Variants in SOS2 observed in about 807,000 individuals in gnomAD.
The protein encoded by SOS2 is SOS Ras/Rho guanine nucleotide exchange factor 2, also known as son of sevenless homolog 2.
In SOS2, 65 loss-of-function variants were observed where a neutral mutation model predicts 148.2. The observed-to-expected ratio is 0.44, with a 90% CI of 0.36 to 0.54. The LOEUF is 0.54. Ranked by LOEUF, SOS2 falls within the 20% of genes least tolerant of loss-of-function variation. SOS2 has a pLI of 0.00. For missense variants in SOS2, 1,341 were observed against 1,590.2 expected (o/e 0.84, Z 2.67); for synonymous variants, 539 against 537.1 (o/e 1.00, Z -0.05).
Position 50,162,236 on chromosome 14 carries a change from C to T in SOS2, c.1069-627G>A, listed in dbSNP as rs73283492. Among the ~76,000 whole-genome samples the T allele has an allele frequency of 4.9e-3, 738 of 152,092 alleles. 7 individuals carry two copies. Among genetic ancestry groups the T allele is most frequent in the African/African-American group, 0.017 (701 of 41,512 alleles). ...ACAGTGGCAGGGCTAACTGCAGCCT[C>T]GATCTCCTGGGCATAAGGCTTCCCG... On this transcript the variant is annotated intron_variant, in intron 8 of 22. Transcript: ENST00000216373.
intron 5 of SOS2, among the ~76,000 whole-genome samples, chr14:50,186,242 C>T (rs913144367): frequency 6.6e-6 from 1 of 152,134 alleles, no homozygotes; most frequent in Admixed American, 6.6e-5. Flanking sequence ...ATTCACTCTT[C>T]CATCTGACCC....
intron 5 of SOS2, among the ~76,000 whole-genome samples, chr14:50,184,088 T>G (rs1030709975): frequency 1.5e-4 from 23 of 152,194 alleles, no homozygotes; most frequent in African/African-American, 5.6e-4. Context: ...AAAGGTACAG[T>G]AAAAATATAG....
chr14:50,170,895 T>C (rs7140483), intron 8 of SOS2, among the ~76,000 whole-genome samples: 132,647 of 151,270 alleles, frequency 0.88, 58,251 homozygotes, highest in East Asian at 0.91. Context: ...GGTGGATCGC[T>C]TGAGGTCAGG....
chr14:50,178,164 T>G (rs1326889116), intron 7 of SOS2, among the ~76,000 whole-genome samples: 3 of 152,224 alleles, frequency 2.0e-5, no homozygotes, highest in South Asian at 2.1e-4. Context: ...CATGTTCAAC[T>G]GTAATCCCCA....
At chr14:50,189,330 G>GAAAAAAAAAAAAAAAAAAAAAAAAAA (rs1566472509) in intron 4 of SOS2, among the ~76,000 whole-genome samples, 2 of 3,594 alleles carry the variant, frequency 5.6e-4, no homozygotes, top group Non-Finnish European at 7.7e-4. Flanking sequence ...ACACATAATA[G>GAAAAAAAAAAAAAAAAAAAAAAAAAA]CAAAAAAAAA....
intron 18 of SOS2, 97 bp from the exon 19 acceptor site, chr14:50,134,336 C>G: frequency 1.6e-6 from 1 of 634,572 alleles, no homozygotes; most frequent in Non-Finnish European, 2.7e-6. Flanking sequence ...CTGAAAATTA[C>G]TTATTTAATG....
rs767086758 is a variant in SOS2, at chr14:50,136,998, G to A, written c.2958+1614C>T. Among the ~76,000 whole-genome samples the A allele has an allele frequency of 8.5e-5, 13 of 152,132 alleles. 1 individual carries two copies. The highest frequency in any genetic ancestry group is 1.8e-4 in the Non-Finnish European group (12 of 68,024). On this transcript the variant is annotated intron_variant, in intron 18 of 22. Coordinates refer to ENST00000216373, the MANE Select transcript of SOS2 (RefSeq NM_006939.4). ...TTTCTATCTCATAATTTAGGAGGGTGGAAGTAATGGTGGATATTTTCACTC... is the reference window on the plus strand; with the variant it reads ...TTTCTATCTCATAATTTAGGAGGGTAGAAGTAATGGTGGATATTTTCACTC...
Position 50,151,325 on chromosome 14 carries a change from A to G in SOS2, c.2162-1095T>C, listed in dbSNP as rs548013602. 4.6e-5 allele frequency among the ~76,000 whole-genome samples: 7 copies of G among 152,330 alleles called. No individual in the cohort carries two copies. In the East Asian group the frequency reaches 7.7e-4, roughly 17 times the overall value. On this transcript the variant is annotated intron_variant, in intron 13 of 22. Transcript: ENST00000216373. Reference sequence around the variant, plus strand: ...CATTTGCCATGTTTTTCTGTCCTCTATATTTTCTGTAAAGCAGAGATATAG... The same window carrying G: ...CATTTGCCATGTTTTTCTGTCCTCTGTATTTTCTGTAAAGCAGAGATATAG...
At chr14:50,127,300 C>G (rs560490671) in intron 21 of SOS2, among the ~76,000 whole-genome samples, 3 of 152,096 alleles carry the variant, frequency 2.0e-5, no homozygotes, top group Non-Finnish European at 4.4e-5. Context: ...CGCCACTATG[C>G]CCAGCTAATT....
chr14:50,189,394 T>C (rs1430077006), intron 4 of SOS2, among the ~76,000 whole-genome samples: 1 of 125,170 alleles, frequency 8.0e-6, no homozygotes, highest in Non-Finnish European at 1.6e-5. Context: ...AAAATCCCAG[T>C]TCAGCCACTA....
intron 4 of SOS2, among the ~76,000 whole-genome samples, chr14:50,190,390 C>T (rs1259571934): frequency 1.3e-5 from 2 of 152,116 alleles, no homozygotes; most frequent in Admixed American, 1.3e-4. Context: ...ATAAACTGTA[C>T]CACATGTTGG....
chr14:50,128,688 G>A (rs1335890956), intron 21 of SOS2, among the ~76,000 whole-genome samples: 2 of 152,230 alleles, frequency 1.3e-5, no homozygotes, highest in African/African-American at 2.4e-5. Context: ...GGAGTGGGGA[G>A]ACTTGAGGTA....
intron 4 of SOS2, among the ~76,000 whole-genome samples, chr14:50,193,632 T>C (rs1441615927): frequency 6.6e-6 from 1 of 152,188 alleles, no homozygotes; most frequent in East Asian, 1.9e-4. Flanking sequence ...AAACAAATGG[T>C]CTGTGAGCTC....
intron 19 of SOS2, among the ~76,000 whole-genome samples, chr14:50,132,522 G>A (rs988691863): frequency 3.3e-5 from 5 of 151,852 alleles, no homozygotes; most frequent in Admixed American, 2.0e-4. Flanking sequence ...TTAGCCGGGC[G>A]TAGTGGCACA....
chr14:50,158,171 A>G (rs1220499908), intron 11 of SOS2, among the ~76,000 whole-genome samples: 1 of 152,120 alleles, frequency 6.6e-6, no homozygotes, highest in South Asian at 2.1e-4. Flanking sequence ...ATGTGTTTTG[A>G]AAGTTTTCAT....
chr14:50,133,440 T>C (rs1883972247), intron 19 of SOS2, among the ~76,000 whole-genome samples: 1 of 152,012 alleles, frequency 6.6e-6, no homozygotes, highest in African/African-American at 2.4e-5. Context: ...ACTGAAGCAA[T>C]CTGCCTGCCT....
intron 1 of SOS2, chr14:50,230,900 G>C (rs1013716804): frequency 9.4e-7 from 1 of 1,063,718 alleles, no homozygotes; most frequent in African/African-American, 1.7e-5. Context: ...TCTCTTGCCC[G>C]ATTCCAGCCT....
chr14:50,119,171 A>C (rs568646319), intron 22 of SOS2, among the ~76,000 whole-genome samples: 55 of 152,368 alleles, frequency 3.6e-4, no homozygotes, highest in Non-Finnish European at 6.8e-4. Flanking sequence ...ATGAAAGGAC[A>C]TGATGTCTAG....
At chr14:50,177,129 C>T (rs1885547642) in intron 7 of SOS2, among the ~76,000 whole-genome samples, 1 of 151,990 alleles carries the variant, frequency 6.6e-6, no homozygotes. Context: ...AACAGCCTAG[C>T]CAATATGGTG....
Sources: allele counts gnomAD v4.1 joint callset (sites outside exome capture counted in the v4.1 genomes callset), GRCh38; gene constraint gnomAD v4.1.1; transcripts MANE v1.5; gene names NCBI Gene and HGNC (gene_info 2026-07-23, HGNC 2026-07-21).